Variants in CAMTA1 observed in about 807,000 individuals in gnomAD.
The protein encoded by CAMTA1 is calmodulin binding transcription activator 1.
Under a neutral mutation model 170.9 loss-of-function variants are expected in CAMTA1, and 27 were observed. That is an observed-to-expected ratio of 0.16 (90% CI 0.12 to 0.22). CAMTA1 has a LOEUF of 0.22. CAMTA1 is among the 10% of genes least tolerant of loss of function. The probability of loss-of-function intolerance (pLI) is 1.00; values close to 1 mark genes in which losing one functional copy is unlikely to be tolerated. For missense variants in CAMTA1, 1,619 were observed against 2,217.2 expected (o/e 0.73, Z 5.42); for synonymous variants, 833 against 891.5 (o/e 0.93, Z 1.17).
chr1:7,505,794 A>T (rs2094096622), intron 6 of CAMTA1, among the ~76,000 whole-genome samples: 1 of 152,126 alleles, frequency 6.6e-6, no homozygotes, highest in African/African-American at 2.4e-5. Context: ...TCAGTCTGGG[A>T]CGGTCTTGGG....
intron 3 of CAMTA1, among the ~76,000 whole-genome samples, chr1:6,860,932 C>A (rs984575848): frequency 6.6e-6 from 1 of 150,400 alleles, no homozygotes; most frequent in Non-Finnish European, 1.5e-5. Context: ...AACAAAAAAA[C>A]CAAAAAACTG....
At chr1:7,340,544 G>GCCTCCCCCCCCCCCCCCCCCCCCTC (rs772743867) in intron 5 of CAMTA1, among the ~76,000 whole-genome samples, 1 of 105,426 alleles carries the variant, frequency 9.5e-6, no homozygotes, top group African/African-American at 4.0e-5. Flanking sequence ...CTGCCTGCCT[G>GCCTCCCCCCCCCCCCCCCCCCCCTC]CCTGCCTGCC....
intron 4 of CAMTA1, among the ~76,000 whole-genome samples, chr1:7,159,955 A>G (rs781742086): frequency 6.6e-6 from 1 of 152,140 alleles, no homozygotes; most frequent in Non-Finnish European, 1.5e-5. Context: ...TCAGTAAAAA[A>G]CTTAGCTGTG....
chr1:7,469,658 T>C (rs1186891409), intron 6 of CAMTA1, among the ~76,000 whole-genome samples: 2 of 152,210 alleles, frequency 1.3e-5, no homozygotes, highest in African/African-American at 4.8e-5. Context: ...CACCCGCTCC[T>C]CCAGGCTGGT....
chr1:6,897,040 T>A (rs1675800537), intron 3 of CAMTA1, among the ~76,000 whole-genome samples: 1 of 152,196 alleles, frequency 6.6e-6, no homozygotes. Context: ...CAGTTGCTTT[T>A]GAGTGAGCAT....
At chr1:7,545,176 C>A (rs2094673883) in intron 6 of CAMTA1, among the ~76,000 whole-genome samples, 1 of 152,210 alleles carries the variant, frequency 6.6e-6, no homozygotes, top group Non-Finnish European at 1.5e-5. Context: ...TTCTCCCTTT[C>A]ACTTTTTCTT....
chr1:6,904,813 G>C (rs955031784), intron 3 of CAMTA1, among the ~76,000 whole-genome samples: 1 of 132,100 alleles, frequency 7.6e-6, no homozygotes, highest in East Asian at 2.3e-4. Context: ...GACTGATCTC[G>C]AACTCCTGAG....
At chr1:6,814,051 A>G (rs1645498610) in intron 1 of CAMTA1, among the ~76,000 whole-genome samples, 1 of 152,182 alleles carries the variant, frequency 6.6e-6, no homozygotes, top group South Asian at 2.1e-4. Context: ...GTATTACCAG[A>G]GATACTGGGA....
In CAMTA1 at chr1:7,685,841, G is replaced by T. The variant is rs373120071; in HGVS notation, c.2914+8108G>T. Among the ~76,000 whole-genome samples the T allele has an allele frequency of 2.0e-5, 3 of 152,148 alleles. No homozygotes were observed. Among genetic ancestry groups the T allele is most frequent in the African/African-American group, 7.2e-5 (3 of 41,426 alleles). ...TAGGTCCCAGACAGGACAAATGGCCGTTCTTTCTGTTTTCCCCAACCTACC... is the reference window on the plus strand; with the variant it reads ...TAGGTCCCAGACAGGACAAATGGCCTTTCTTTCTGTTTTCCCCAACCTACC... On this transcript the variant is annotated intron_variant, in intron 11 of 22. Coordinates refer to ENST00000303635, the MANE Select transcript of CAMTA1 (RefSeq NM_015215.4). The surrounding 1 kb of genome is among the most constrained non-coding windows in gnomAD (Gnocchi z 5.7).
chr1:6,948,927 C>G (rs1418526849), intron 3 of CAMTA1, among the ~76,000 whole-genome samples: 2 of 152,194 alleles, frequency 1.3e-5, no homozygotes, highest in Non-Finnish European at 2.9e-5. Context: ...TTGGCAGGTG[C>G]TGTTGCTCCC....
At chr1:7,178,496 C>T (rs1009154750) in intron 4 of CAMTA1, among the ~76,000 whole-genome samples, 2 of 152,202 alleles carry the variant, frequency 1.3e-5, no homozygotes, top group African/African-American at 4.8e-5. Flanking sequence ...TCCCCCAGCC[C>T]GCTGATTAAC....
In CAMTA1 at chr1:7,642,334, G is replaced by T. The variant is rs956021371; in HGVS notation, c.664+1781G>T. 6.6e-6 allele frequency among the ~76,000 whole-genome samples: 1 copy of T among 152,170 alleles called. No individual in the cohort carries two copies. The highest frequency in any genetic ancestry group is 1.5e-5 in the Non-Finnish European group (1 of 68,010). On this transcript the variant is annotated intron_variant, in intron 7 of 22. Coordinates refer to ENST00000303635, the MANE Select transcript of CAMTA1 (RefSeq NM_015215.4). This position sits in a 1 kb window ranked among gnomAD's most constrained non-coding sequence, Gnocchi z 6.3. ...CCCTGGAAATAGCCCTGGAATGGTG[G>T]GGGGGAAGGGACCTGCCCAGGGTCC...
intron 3 of CAMTA1, among the ~76,000 whole-genome samples, chr1:6,963,187 C>T (rs1252307179): frequency 6.7e-6 from 1 of 150,026 alleles, no homozygotes; most frequent in Non-Finnish European, 1.5e-5. Flanking sequence ...TCTCTTTTGG[C>T]TCCTCCTCAC....
intron 11 of CAMTA1, among the ~76,000 whole-genome samples, chr1:7,714,919 C>G (rs946394067): frequency 1.3e-5 from 2 of 152,236 alleles, no homozygotes; most frequent in African/African-American, 4.8e-5. Context: ...GTAGTGTGAT[C>G]TTGAAACTCA....
At chr1:6,974,058 G>A (rs1692990747) in intron 3 of CAMTA1, among the ~76,000 whole-genome samples, 1 of 152,216 alleles carries the variant, frequency 6.6e-6, no homozygotes, top group Admixed American at 6.5e-5. Flanking sequence ...GCCCAGAATG[G>A]CATTTGTCTG....
Position 7,336,833 on chromosome 1 carries a change from G to A in CAMTA1, c.438+87207G>A, listed in dbSNP as rs1277972729. On this transcript the variant is annotated intron_variant, in intron 5 of 22. Coordinates refer to ENST00000303635, the MANE Select transcript of CAMTA1 (RefSeq NM_015215.4). Reference sequence around the variant, plus strand: ...CAGAGCTCTCTCGGGGCCAGCAACAGGGAGAAGGCCATGGCCCTTCTATCT... The same window carrying A: ...CAGAGCTCTCTCGGGGCCAGCAACAAGGAGAAGGCCATGGCCCTTCTATCT... Among the ~76,000 whole-genome samples the A allele has an allele frequency of 2.0e-5, 3 of 152,316 alleles. No homozygotes were observed. In the East Asian group the frequency reaches 5.8e-4, roughly 29 times the overall value.
At chr1:7,556,343 C>T (rs1377318859) in intron 6 of CAMTA1, among the ~76,000 whole-genome samples, 1 of 152,100 alleles carries the variant, frequency 6.6e-6, no homozygotes, top group East Asian at 1.9e-4. Context: ...AATTGACCAG[C>T]CCTAGGGGGG....
At chr1:7,391,433 C>T (rs2088703126) in intron 5 of CAMTA1, among the ~76,000 whole-genome samples, 1 of 151,948 alleles carries the variant, frequency 6.6e-6, no homozygotes, top group Non-Finnish European at 1.5e-5. Flanking sequence ...AGCTGCTGCT[C>T]AGACGGATTA....
At chr1:7,133,514 C>G (rs1197573367) in intron 4 of CAMTA1, among the ~76,000 whole-genome samples, 1 of 152,056 alleles carries the variant, frequency 6.6e-6, no homozygotes, top group Non-Finnish European at 1.5e-5. Flanking sequence ...TTGAGCTTCT[C>G]AGAGAGCCAC....
Sources: allele counts gnomAD v4.1 joint callset (sites outside exome capture counted in the v4.1 genomes callset), GRCh38; gene constraint gnomAD v4.1.1; non-coding constraint Gnocchi (gnomAD v3.1); transcripts MANE v1.5; gene names NCBI Gene and HGNC (gene_info 2026-07-23, HGNC 2026-07-21).